Variants in CALN1 observed in about 807,000 individuals in gnomAD.
CALN1 encodes calneuron 1.
Under a neutral mutation model 30.6 loss-of-function variants are expected in CALN1, and 17 were observed. That is an observed-to-expected ratio of 0.56 (90% CI 0.38 to 0.83). The LOEUF (loss-of-function observed/expected upper bound fraction) is 0.83, where lower values mean the gene tolerates loss of function less well. Among genes scored for constraint, CALN1 ranks in the 40% least tolerant of loss-of-function variants. The pLI is 0.00. For synonymous variants in CALN1, 156 were observed against 131.4 expected, an observed-to-expected ratio of 1.19 and a Z score of -1.28; for missense variants, 291 against 354.9, an observed-to-expected ratio of 0.82 and a Z score of 1.45.
At chr7:72,003,676 C>G (rs974443434) in intron 5 of CALN1, among the ~76,000 whole-genome samples, 6 of 152,256 alleles carry the variant, frequency 3.9e-5, no homozygotes, top group African/African-American at 1.4e-4. Flanking sequence ...CTCCCATCAC[C>G]CTTAGATGGG....
intron 5 of CALN1, among the ~76,000 whole-genome samples, chr7:71,919,609 G>A (rs541491328): frequency 3.9e-5 from 6 of 152,314 alleles, no homozygotes; most frequent in Non-Finnish European, 7.4e-5. Context: ...TGTGAGTATG[G>A]AAAAGCTGGG....
At chr7:72,104,411 T>A (rs1207262919) in intron 4 of CALN1, among the ~76,000 whole-genome samples, 1 of 152,160 alleles carries the variant, frequency 6.6e-6, no homozygotes, top group Non-Finnish European at 1.5e-5. Flanking sequence ...ACTTTTATTT[T>A]AAGTTCTGGG....
intron 2 of CALN1, among the ~76,000 whole-genome samples, chr7:72,310,957 A>C (rs1247676104): frequency 6.6e-6 from 1 of 151,504 alleles, no homozygotes; most frequent in Non-Finnish European, 1.5e-5. Context: ...AAATATATAT[A>C]TACGGTGGAT....
intron 5 of CALN1, among the ~76,000 whole-genome samples, chr7:71,898,461 T>C (rs1227979745): frequency 6.6e-6 from 1 of 152,170 alleles, no homozygotes; most frequent in Non-Finnish European, 1.5e-5. Flanking sequence ...TCCTGAATGA[T>C]ACCGGTAGAG....
At chr7:72,404,444 T>C (rs1297906930) in intron 1 of CALN1, among the ~76,000 whole-genome samples, 2 of 152,218 alleles carry the variant, frequency 1.3e-5, no homozygotes. Context: ...AAAGACTCTC[T>C]TGAGATGTGA....
chr7:71,952,644 T>C (rs1161311338), intron 5 of CALN1, among the ~76,000 whole-genome samples: 3 of 152,096 alleles, frequency 2.0e-5, no homozygotes, highest in Non-Finnish European at 2.9e-5. Flanking sequence ...AAAGCTAGTG[T>C]AGATCGCTAG....
At chr7:72,076,471 G>A (rs1192772558) in intron 4 of CALN1, among the ~76,000 whole-genome samples, 2 of 151,124 alleles carry the variant, frequency 1.3e-5, no homozygotes, top group East Asian at 1.9e-4. Flanking sequence ...GGTGGCGCAT[G>A]CCTGTAATCC....
chr7:72,463,210 C>A, the CALN1 span, among the ~76,000 whole-genome samples: 1 of 152,210 alleles, frequency 6.6e-6, no homozygotes, highest in Non-Finnish European at 1.5e-5. Context: ...CAACCTCCGC[C>A]TCCCGGGTTC....
chr7:72,087,098 A>G (rs2129539386), intron 4 of CALN1, among the ~76,000 whole-genome samples: 1 of 152,332 alleles, frequency 6.6e-6, no homozygotes. Context: ...GTAATTTTCA[A>G]GTTTAAACTC....
chr7:72,101,710 G>A (rs1484852352), intron 4 of CALN1, among the ~76,000 whole-genome samples: 1 of 152,098 alleles, frequency 6.6e-6, no homozygotes, highest in Non-Finnish European at 1.5e-5. Flanking sequence ...CTTGCAACTG[G>A]CCTGCAGGCC....
At chr7:72,344,025 T>C (rs886703388) in intron 2 of CALN1, among the ~76,000 whole-genome samples, 20 of 152,180 alleles carry the variant, frequency 1.3e-4, no homozygotes, top group African/African-American at 4.8e-4. Context: ...GTCTATTTTT[T>C]TTTATTTTTT....
At chr7:72,323,013 G>C (rs1290309719) in intron 2 of CALN1, among the ~76,000 whole-genome samples, 1 of 150,818 alleles carries the variant, frequency 6.6e-6, no homozygotes, top group South Asian at 2.1e-4. Context: ...GGGGAGGGGA[G>C]GGGAAGGCAC....
chr7:72,258,986 CAGG>C (rs1353513849), intron 3 of CALN1, among the ~76,000 whole-genome samples: 1 of 151,538 alleles, frequency 6.6e-6, no homozygotes, highest in Non-Finnish European at 1.5e-5. Context: ...AAGGCTGAGG[CAGG>C]AGAATTGCTT....
intron 3 of CALN1, among the ~76,000 whole-genome samples, chr7:72,253,264 A>C (rs1362974790): frequency 6.6e-6 from 1 of 152,232 alleles, no homozygotes; most frequent in Non-Finnish European, 1.5e-5. Context: ...AAAATGTACC[A>C]AATTCAGTTA....
chr7:72,390,775 T>G (rs1805530013), intron 2 of CALN1, among the ~76,000 whole-genome samples: 1 of 152,226 alleles, frequency 6.6e-6, no homozygotes, highest in Non-Finnish European at 1.5e-5. Flanking sequence ...CCCTTATTAT[T>G]TAATACATCA....
intron 2 of CALN1, among the ~76,000 whole-genome samples, chr7:72,302,893 CA>C (rs71069055): frequency 0.024 from 1,175 of 48,708 alleles, 5 homozygotes; most frequent in Middle Eastern, 0.059. Flanking sequence ...GTGAGGGTCT[CA>C]AAAAAAAAAA....
intron 2 of CALN1, among the ~76,000 whole-genome samples, chr7:72,335,578 A>G (rs559444424): frequency 1.5e-3 from 225 of 152,256 alleles, no homozygotes; most frequent in Non-Finnish European, 2.6e-3. Flanking sequence ...TGAGCCCAAA[A>G]AAGTCTCCTT....
intron 2 of CALN1, among the ~76,000 whole-genome samples, chr7:72,317,066 A>AAG (rs200641712): frequency 7.5e-6 from 1 of 133,214 alleles, no homozygotes; most frequent in Admixed American, 7.5e-5. Flanking sequence ...GAGAGAGAGA[A>AAG]AGAGAGACAC....
intron 4 of CALN1, among the ~76,000 whole-genome samples, chr7:72,029,428 G>C (rs1801297737): frequency 6.6e-6 from 1 of 151,976 alleles, no homozygotes; most frequent in African/African-American, 2.4e-5. Flanking sequence ...TTTGATCTTT[G>C]ACCCCATTTC....
Sources: allele counts gnomAD v4.1 joint callset (sites outside exome capture counted in the v4.1 genomes callset), GRCh38; gene constraint gnomAD v4.1.1; transcripts MANE v1.5; gene names NCBI Gene and HGNC (gene_info 2026-07-23, HGNC 2026-07-21).